DLGAP1: variants seen among roughly 807,000 people sequenced by gnomAD.
The protein encoded by DLGAP1 is DLG associated protein 1.
A neutral mutation model predicts 90.8 loss-of-function variants in DLGAP1; 11 were observed. That is an observed-to-expected ratio of 0.12 (90% CI 0.08 to 0.20). The LOEUF is 0.20. Ranked by LOEUF, DLGAP1 falls within the 10% of genes least tolerant of loss-of-function variation. The pLI is 1.00. For missense variants in DLGAP1, 1,050 were observed against 1,333.8 expected (o/e 0.79, Z 3.31); for synonymous variants, 558 against 540.7 (o/e 1.03, Z -0.44).
intron 11 of DLGAP1, among the ~76,000 whole-genome samples, chr18:3,504,994 T>C (rs749636176): frequency 2.0e-5 from 3 of 152,188 alleles, no homozygotes; most frequent in Non-Finnish European, 4.4e-5. Flanking sequence ...CTACTCATTC[T>C]AAGCCTGGGA....
In DLGAP1 at chr18:3,497,908, G is replaced by C. The variant is rs746824570; in HGVS notation, c.*1277C>G. On this transcript the variant is annotated 3_prime_UTR_variant, in exon 13 of 13. Transcript: ENST00000315677. ...GTCGAGTTTCTTCTCTCACTACCTG[G>C]AACCTCAAGATGACAGCGGCAGCTC... The C allele has an allele frequency of 6.6e-6, 1 of 152,154 alleles. No individual in the cohort carries two copies. Among genetic ancestry groups the C allele is most frequent in the African/African-American group, 2.4e-5 (1 of 41,434 alleles). The allele number at this position is 152,154 out of a possible 1,614,324, so 9.4% of individuals were successfully genotyped here.
chr18:4,149,254 A>C (rs2076633833), intron 2 of DLGAP1, among the ~76,000 whole-genome samples: 1 of 152,232 alleles, frequency 6.6e-6, no homozygotes, highest in African/African-American at 2.4e-5. Context: ...TTTCTCACTT[A>C]GCTGACACTA....
At chr18:3,856,616 C>T (rs1270480037) in intron 4 of DLGAP1, among the ~76,000 whole-genome samples, 3 of 152,134 alleles carry the variant, frequency 2.0e-5, no homozygotes, top group East Asian at 1.9e-4. Context: ...AATCCCAGCA[C>T]TTTGGGAGGC....
chr18:3,561,749 T>C (rs1259424845), intron 9 of DLGAP1, among the ~76,000 whole-genome samples: 1 of 150,910 alleles, frequency 6.6e-6, no homozygotes, highest in Non-Finnish European at 1.5e-5. Context: ...CGTTTTTGAG[T>C]GTTTTTATAG....
At chr18:3,866,263 C>G (rs2070377454) in intron 4 of DLGAP1, among the ~76,000 whole-genome samples, 1 of 152,160 alleles carries the variant, frequency 6.6e-6, no homozygotes, top group Admixed American at 6.5e-5. Flanking sequence ...GGACGGATAA[C>G]TTTCCAAGCT....
At chr18:3,749,305 C>T (rs2063403452) in intron 5 of DLGAP1, among the ~76,000 whole-genome samples, 1 of 151,988 alleles carries the variant, frequency 6.6e-6, no homozygotes, top group South Asian at 2.1e-4. Flanking sequence ...GATGCCACCA[C>T]ACCCAGCTAA....
At chr18:4,055,773 C>T (rs1486794009) in intron 2 of DLGAP1, among the ~76,000 whole-genome samples, 2 of 152,076 alleles carry the variant, frequency 1.3e-5, no homozygotes, top group African/African-American at 4.8e-5. Flanking sequence ...GTGGGCCACC[C>T]CCATGTCCCT....
intron 1 of DLGAP1, among the ~76,000 whole-genome samples, chr18:4,233,785 G>C (rs186849151): frequency 6.6e-6 from 1 of 152,254 alleles, no homozygotes; most frequent in Non-Finnish European, 1.5e-5. Flanking sequence ...ATAGAAAGCT[G>C]TATAGGAAAC....
At chr18:4,155,572 T>C (rs1168406655) in intron 1 of DLGAP1, among the ~76,000 whole-genome samples, 1 of 152,208 alleles carries the variant, frequency 6.6e-6, no homozygotes, top group Non-Finnish European at 1.5e-5. Context: ...TCCAAAGTAG[T>C]GAATAAGGAA....
chr18:3,791,414 T>C (rs2065727096), intron 5 of DLGAP1, among the ~76,000 whole-genome samples: 1 of 152,198 alleles, frequency 6.6e-6, no homozygotes, highest in Non-Finnish European at 1.5e-5. Context: ...AAGTGGCTTA[T>C]AAGAACAATG....
chr18:4,221,650 C>G (rs564386568), intron 1 of DLGAP1, among the ~76,000 whole-genome samples: 1 of 152,122 alleles, frequency 6.6e-6, no homozygotes, highest in East Asian at 1.9e-4. Context: ...TGACAGTACA[C>G]GGTAGTTTGA....
chr18:4,270,639 T>TA (rs879614689), intron 1 of DLGAP1, among the ~76,000 whole-genome samples: 2 of 152,180 alleles, frequency 1.3e-5, no homozygotes, highest in Non-Finnish European at 2.9e-5. Context: ...AAAGAACACT[T>TA]ACACTGTCCC....
intron 2 of DLGAP1, among the ~76,000 whole-genome samples, chr18:4,066,012 A>G (rs1159128023): frequency 6.6e-6 from 1 of 152,132 alleles, no homozygotes; most frequent in African/African-American, 2.4e-5. Flanking sequence ...AAATATGACC[A>G]CACACCTACA....
chr18:3,838,048 A>T (rs2068505364), intron 4 of DLGAP1, among the ~76,000 whole-genome samples: 1 of 152,056 alleles, frequency 6.6e-6, no homozygotes, highest in Non-Finnish European at 1.5e-5. Flanking sequence ...GAATTCAACA[A>T]TGGGGAGAAG....
chr18:3,542,736 C>T (rs572733703), intron 9 of DLGAP1, among the ~76,000 whole-genome samples: 143 of 152,300 alleles, frequency 9.4e-4, no homozygotes, highest in Admixed American at 2.4e-3. Flanking sequence ...TTAACACTTT[C>T]AGTTGTGAAG....
intron 1 of DLGAP1, among the ~76,000 whole-genome samples, chr18:4,220,073 T>A (rs1358053329): frequency 6.6e-6 from 1 of 152,136 alleles, no homozygotes; most frequent in African/African-American, 2.4e-5. Context: ...CATTGGGTAG[T>A]GTGGGCATTT....
rs142302215 is a variant in DLGAP1, at chr18:3,911,226, A to G, written c.-72-31086T>C. On this transcript the variant is annotated intron_variant, in intron 3 of 12. Transcript: ENST00000315677. ...TTCTTTAGGATGAAGTCTGGATCTT[A>G]TACATATTTGATTACTTTTTGCACA... Among the ~76,000 whole-genome samples the G allele has an allele frequency of 7.2e-4, 109 of 152,322 alleles. 1 individual carries two copies. The highest frequency in any genetic ancestry group is 5.0e-3 in the South Asian group (24 of 4,830).
intron 1 of DLGAP1, among the ~76,000 whole-genome samples, chr18:4,209,658 T>C (rs1057387522): frequency 6.6e-6 from 1 of 152,192 alleles, no homozygotes; most frequent in African/African-American, 2.4e-5. Context: ...TAAACAAATA[T>C]ACTATAAAGC....
chr18:3,713,883 T>C (rs1316596171), intron 7 of DLGAP1, among the ~76,000 whole-genome samples: 2 of 152,206 alleles, frequency 1.3e-5, no homozygotes, highest in Non-Finnish European at 1.5e-5. Flanking sequence ...GTTTTGAGGA[T>C]GATTTACCAT....
Sources: gnomAD v4.1 joint callset for allele counts (sites outside exome capture counted in the v4.1 genomes callset) on GRCh38, gnomAD v4.1.1 for gene constraint, MANE v1.5 for transcripts, NCBI Gene and HGNC (gene_info 2026-07-23, HGNC 2026-07-21) for gene names.